The following PRKD2 variants were observed in gnomAD, a reference collection of about 807,000 sequenced individuals.
PRKD2 encodes the protein serine/threonine-protein kinase D2.
Under a neutral mutation model 86.0 loss-of-function variants are expected in PRKD2, and 22 were observed. The ratio of observed to expected loss-of-function variants is 0.26; its 90% confidence interval spans 0.18 to 0.37. PRKD2 has a LOEUF of 0.37. Among genes scored for constraint, PRKD2 ranks in the 10% least tolerant of loss-of-function variants. PRKD2 has a pLI of 1.00. For missense variants in PRKD2, 818 were observed against 1,199.2 expected (o/e 0.68, Z 4.70); for synonymous variants, 509 against 510.9 (o/e 1.00, Z 0.05).
At chr19:46,675,176 A>G (rs1374541533) in intron 16 of PRKD2, 58 bp from the exon 17 acceptor site, 6 of 1,450,054 alleles carry the variant, frequency 4.1e-6, no homozygotes, top group Admixed American at 3.8e-5. Context: ...TCCTCCTCCA[A>G]TAGGCACCCC....
chr19:46,684,845 C>T (rs372306601), intron 14 of PRKD2, among the ~76,000 whole-genome samples: 257 of 152,110 alleles, frequency 1.7e-3, no homozygotes, highest in African/African-American at 6.0e-3. Flanking sequence ...TGCCTGTGTT[C>T]CCAGCTACTC....
rs968255529 is a variant in PRKD2, at chr19:46,690,804, G to C, written c.1703-98C>G. 3.9e-5 allele frequency: 43 copies of C among 1,098,412 alleles called. No individual in the cohort carries two copies. In the African/African-American group the frequency reaches 4.6e-4, roughly 12 times the overall value. The allele number at this position is 1,098,412 out of a possible 1,614,324, so 68.0% of individuals were successfully genotyped here. A position where few individuals can be genotyped will look rare whatever the true frequency, so the allele number is the denominator to read the frequency against. On this transcript the variant is annotated intron_variant, in intron 12 of 17. Coordinates refer to ENST00000291281, the MANE Select transcript of PRKD2 (RefSeq NM_016457.5). ...CTGCCAACCTCTGCCCCCCACCATG[G>C]AGACAGCCAGAGTTGGGCAGAGTTG...
intron 10 of PRKD2, 138 bp from the exon 11 acceptor site, chr19:46,692,123 GTGAC>G (rs904505738): frequency 2.4e-6 from 2 of 824,656 alleles, no homozygotes; most frequent in African/African-American, 3.4e-5. Context: ...CTTCAGGCTG[GTGAC>G]TTGTCCACTA....
At chr19:46,708,981 T>TTG (rs2053761008) in intron 3 of PRKD2, among the ~76,000 whole-genome samples, 1 of 103,390 alleles carries the variant, frequency 9.7e-6, no homozygotes, top group Admixed American at 1.0e-4. Flanking sequence ...GGTTTTTTTT[T>TTG]TTTTTTTTTT....
In PRKD2 at chr19:46,693,996, A is replaced by G; in HGVS notation, c.1455T>C (p.Thr485=). Residue 485 remains threonine (T), a synonymous_variant, in exon 10 of 18, where the codon ACT becomes ACC. Coordinates refer to ENST00000291281, the MANE Select transcript of PRKD2 (RefSeq NM_016457.5). The surrounding 1 kb of genome is among the most constrained non-coding windows in gnomAD (Gnocchi z 4.5). ...TYFVGEMPGG[T]PGGPSGQGAE... ...CCCCCTGCCCACTTGGCCCACCCGGAGTCCCGCCAGGCATCTCGCCCACGA... is the reference window on the plus strand; with the variant it reads ...CCCCCTGCCCACTTGGCCCACCCGGGGTCCCGCCAGGCATCTCGCCCACGA... 6.2e-7 allele frequency: 1 copy of G among 1,613,760 alleles called. No homozygotes were observed. Among genetic ancestry groups the G allele is most frequent in the East Asian group, 2.2e-5 (1 of 44,888 alleles).
chr19:46,716,323 C>G lies in PRKD2; in HGVS notation c.48G>C (p.Gly16=). 6.7e-7 allele frequency: 1 copy of G among 1,495,364 alleles called. No individual in the cohort carries two copies. Among genetic ancestry groups the G allele is most frequent in the Non-Finnish European group, 8.9e-7 (1 of 1,124,826 alleles). The allele number at this position is 1,495,364 out of a possible 1,614,324, so 92.6% of individuals were successfully genotyped here. A position where few individuals can be genotyped will look rare whatever the true frequency, so the allele number is the denominator to read the frequency against. The change falls in exon 1 of 18, where the codon GGG becomes GGC. Residue 16 remains glycine, a synonymous_variant. Transcript: ENST00000291281. This position sits in a 1 kb window ranked among gnomAD's most constrained non-coding sequence, Gnocchi z 7.9. Reference sequence around the variant, plus strand: ...CGCCGGGGGGCGGAGGAGACCCCGGCCCGGGAGAGCCAGGGAGCCCGGCGG... The same window carrying G: ...CGCCGGGGGGCGGAGGAGACCCCGGGCCGGGAGAGCCAGGGAGCCCGGCGG... ...SYPAGLPGSP[G]PGSPPPPGGL...
chr19:46,693,397 A>G lies in PRKD2; in HGVS notation c.1576+478T>C, dbSNP rs2053510421. Among the ~76,000 whole-genome samples the G allele has an allele frequency of 6.6e-6, 1 of 152,200 alleles. No homozygotes were observed. Among genetic ancestry groups the G allele is most frequent in the Non-Finnish European group, 1.5e-5 (1 of 68,036 alleles). On this transcript the variant is annotated intron_variant, in intron 10 of 17. Transcript: ENST00000291281. This position sits in a 1 kb window ranked among gnomAD's most constrained non-coding sequence, Gnocchi z 4.5. Reference sequence around the variant, plus strand: ...GAGGGGAAGTGATATGCCCAGGGCCACATATCAGGCCAGGAGCTTAACAGA... The same window carrying G: ...GAGGGGAAGTGATATGCCCAGGGCCGCATATCAGGCCAGGAGCTTAACAGA...
chr19:46,697,015 T>A, intron 9 of PRKD2, 142 bp downstream of exon 9: 1 of 740,906 alleles, frequency 1.3e-6, no homozygotes, highest in Non-Finnish European at 2.4e-6. Flanking sequence ...CACTTGCTGA[T>A]GAGCTGGAAG....
At chr19:46,698,518 A>G (rs886169535) in intron 7 of PRKD2, among the ~76,000 whole-genome samples, 1 of 152,262 alleles carries the variant, frequency 6.6e-6, no homozygotes, top group African/African-American at 2.4e-5. Flanking sequence ...TGGCATACAG[A>G]GGACCTCCAG....
At chr19:46,698,017 T>G (rs577371673) in intron 7 of PRKD2, among the ~76,000 whole-genome samples, 167 bp from the exon 8 acceptor site, 2 of 152,248 alleles carry the variant, frequency 1.3e-5, no homozygotes, top group South Asian at 4.1e-4. Context: ...GCTTTTTGTT[T>G]GTTTTTAAGA....
At chr19:46,698,652 G>A (rs2053594567) in intron 7 of PRKD2, among the ~76,000 whole-genome samples, 1 of 152,202 alleles carries the variant, frequency 6.6e-6, no homozygotes, top group African/African-American at 2.4e-5. Context: ...CAGTAAGGAA[G>A]GTCTACAGAG....
chr19:46,700,429 T>TC (rs750998000), intron 7 of PRKD2, among the ~76,000 whole-genome samples: 4 of 151,840 alleles, frequency 2.6e-5, no homozygotes, highest in Non-Finnish European at 4.4e-5. Context: ...AGTCAGGAGT[T>TC]CAAGACCAGC....
rs775481750 is a variant in PRKD2 at position 46,700,929 on chromosome 19, C to A, written c.991G>T (p.Asp331Tyr). The change falls in exon 7 of 18, where the codon GAT (aspartate) becomes TAT (tyrosine). Residue 331 changes from aspartate to tyrosine, a missense_variant. Transcript: ENST00000291281. ...GCGCTCTTGTCAGCCTCGCTGAAAT[C>A]GGTGGCCTCCTCCATCGGCACATCT... is the stretch of plus-strand genomic sequence containing the variant. ...NGDVPMEEAT[D>Y]FSEADKSALM... 1 of 1,614,256 alleles carries A rather than the reference C, an allele frequency of 6.2e-7. No individual in the cohort carries two copies. The highest frequency in any genetic ancestry group is 8.5e-7 in the Non-Finnish European group (1 of 1,180,032).
At chr19:46,701,845 G>A (rs2053639725) in intron 5 of PRKD2, among the ~76,000 whole-genome samples, 1 of 151,940 alleles carries the variant, frequency 6.6e-6, no homozygotes, top group African/African-American at 2.4e-5. Context: ...CTGGATGCCA[G>A]TAGCACTATC....
chr19:46,697,194 G>C lies in PRKD2; in HGVS notation c.1280C>G (p.Thr427Arg). ...GTTGGTCGTGTTGTTCTGGAAGAGC[G>C]TGATACACTTGCAGTCCAGGCGCCA... The part of the protein sequence containing the change: ...HYWRLDCKCI[T>R]LFQNNTTNRY... The change falls in exon 9 of 18, where the codon ACG (threonine) becomes AGG (arginine). Residue 427 changes from threonine to arginine, a missense_variant. By Grantham distance (71) the Thr-to-Arg change is moderately conservative. Coordinates refer to ENST00000291281, the MANE Select transcript of PRKD2 (RefSeq NM_016457.5). 2 of 1,600,284 alleles carry C rather than the reference G, an allele frequency of 1.2e-6. No homozygotes were observed. The highest frequency in any genetic ancestry group is 1.7e-6 in the Non-Finnish European group (2 of 1,167,588).
In PRKD2 at chr19:46,716,454, G is replaced by C. The variant is rs1242442932; in HGVS notation, c.-84C>G. The C allele has an allele frequency of 5.7e-6, 4 of 698,746 alleles. No homozygotes were observed. The highest frequency in any genetic ancestry group is 2.3e-5 in the South Asian group (1 of 43,652). The allele number at this position is 698,746 out of a possible 1,614,324, so 43.3% of individuals were successfully genotyped here. A position where few individuals can be genotyped will look rare whatever the true frequency, so the allele number is the denominator to read the frequency against. On this transcript the variant is annotated 5_prime_UTR_variant, in exon 1 of 18. Transcript: ENST00000291281. This position sits in a 1 kb window ranked among gnomAD's most constrained non-coding sequence, Gnocchi z 7.9. ...GGGGGACCCTGGGTTCTAGATCCGC[G>C]GGATCTCGTGAGCAGGTGGTGGGAG...
chr19:46,681,512 C>T (rs2053306345), intron 15 of PRKD2, 138 bp downstream of exon 15: 1 of 623,920 alleles, frequency 1.6e-6, no homozygotes, highest in Admixed American at 2.6e-5. Context: ...CCTGCCTCAG[C>T]CTCTCAAAAT....
chr19:46,687,636 A>G (rs1184359737), intron 14 of PRKD2, among the ~76,000 whole-genome samples: 2 of 152,206 alleles, frequency 1.3e-5, no homozygotes, highest in Non-Finnish European at 2.9e-5. Context: ...TGCTTGGCAC[A>G]TAGTAAGTGC....
intron 1 of PRKD2, among the ~76,000 whole-genome samples, chr19:46,715,003 CTGA>C (rs1431840785): frequency 6.6e-6 from 1 of 152,190 alleles, no homozygotes; most frequent in Admixed American, 6.5e-5. Flanking sequence ...CCACGTTTCT[CTGA>C]TGCCCAAAGG....
Sources: gnomAD v4.1 joint callset for allele counts (sites outside exome capture counted in the v4.1 genomes callset) on GRCh38, gnomAD v4.1.1 for gene constraint, Gnocchi (gnomAD v3.1) non-coding constraint, MANE v1.5 for transcripts, NCBI Gene and HGNC (gene_info 2026-07-23, HGNC 2026-07-21) for gene names.